PPARGC1A: variants seen among roughly 807,000 people sequenced by gnomAD.
PPARGC1A encodes the protein PPARG coactivator 1 alpha.
In PPARGC1A, 25 loss-of-function variants were observed where a neutral mutation model predicts 88.7. The observed-to-expected ratio is 0.28, with a 90% CI of 0.21 to 0.39. The LOEUF (loss-of-function observed/expected upper bound fraction) is 0.39. Ranked by LOEUF, PPARGC1A falls within the 10% of genes least tolerant of loss-of-function variation. The pLI, the probability that PPARGC1A is intolerant of heterozygous loss-of-function variation, is 1.00. For synonymous variants in PPARGC1A, 363 were observed against 355.6 expected (o/e 1.02, Z -0.24); for missense variants, 880 against 968.7 (o/e 0.91, Z 1.22).
At chr4:24,468,366 T>C in the PPARGC1A span, among the ~76,000 whole-genome samples, 1 of 152,220 alleles carries the variant, frequency 6.6e-6, no homozygotes, top group African/African-American at 2.4e-5. Context: ...ACATTTCACA[T>C]ATACACTTTA....
At chr4:24,025,944 C>G in the PPARGC1A span, among the ~76,000 whole-genome samples, 2 of 152,120 alleles carry the variant, frequency 1.3e-5, no homozygotes, top group African/African-American at 4.8e-5. Context: ...TTCTGAGAAT[C>G]TTATGAGTTA....
At chr4:23,959,972 C>T in the PPARGC1A span, among the ~76,000 whole-genome samples, 2 of 152,080 alleles carry the variant, frequency 1.3e-5, no homozygotes, top group African/African-American at 4.8e-5. Flanking sequence ...CTTGGTCAGC[C>T]TGGGCAAGTG....
chr4:24,356,384 C>T, the PPARGC1A span, among the ~76,000 whole-genome samples: 3 of 152,108 alleles, frequency 2.0e-5, no homozygotes, highest in Non-Finnish European at 4.4e-5. Flanking sequence ...AAATCAGGAC[C>T]CTAATTAACT....
the PPARGC1A span, among the ~76,000 whole-genome samples, chr4:24,424,429 C>T: frequency 1.1e-4 from 17 of 152,000 alleles, no homozygotes; most frequent in African/African-American, 2.9e-4. Flanking sequence ...GCGCCCGCCA[C>T]CATGCCCGGC....
At chr4:24,430,933 C>T in the PPARGC1A span, among the ~76,000 whole-genome samples, 4 of 152,018 alleles carry the variant, frequency 2.6e-5, 1 homozygote, top group South Asian at 8.3e-4. Context: ...GCCTGACCAA[C>T]ATGGTGAAAC....
At chr4:24,084,235 T>C in the PPARGC1A span, among the ~76,000 whole-genome samples, 4 of 152,222 alleles carry the variant, frequency 2.6e-5, no homozygotes, top group Non-Finnish European at 5.9e-5. Flanking sequence ...TGGTTAGTCC[T>C]GGCTAGACCC....
At chr4:23,885,037 C>T in intron 1 of PPARGC1A, 106 bp from the exon 2 acceptor site, 1 of 985,960 alleles carries the variant, frequency 1.0e-6, no homozygotes. Context: ...AATTCAACTA[C>T]ACTACCAAAG....
the PPARGC1A span, among the ~76,000 whole-genome samples, chr4:24,170,684 G>A: frequency 1.4e-4 from 22 of 152,204 alleles, no homozygotes; most frequent in East Asian, 1.9e-3. Context: ...CATTTGGTAC[G>A]GAACAACCAT....
chr4:24,142,869 CA>C, the PPARGC1A span, among the ~76,000 whole-genome samples: 10 of 148,150 alleles, frequency 6.7e-5, no homozygotes, highest in African/African-American at 2.5e-4. Context: ...GTAGGGAAAG[CA>C]AAAGAGATTA....
At chr4:23,858,810 G>A (rs1730673218) in intron 2 of PPARGC1A, among the ~76,000 whole-genome samples, 1 of 151,972 alleles carries the variant, frequency 6.6e-6, no homozygotes, top group South Asian at 2.1e-4. Context: ...CAGAACATTT[G>A]CCTTTTAGCC....
chr4:23,793,119 CAT>C lies in PPARGC1A; in HGVS notation c.*2701_*2702del. The C allele has an allele frequency of 6.6e-6, 1 of 152,490 alleles. No homozygotes were observed. Among genetic ancestry groups the C allele is most frequent in the Non-Finnish European group, 1.5e-5 (1 of 67,994 alleles). 9.4% of individuals were successfully genotyped at this position (152,490 alleles called of 1,614,324 possible). A position where few individuals can be genotyped will look rare whatever the true frequency, so the allele number is the denominator to read the frequency against. On this transcript the variant is annotated 3_prime_UTR_variant, in exon 13 of 13. Transcript: ENST00000264867. ...AGAGAACACATGTGGTCCTTGAACACATAATAGGATTTACTAAATCTCGATTT... is the reference window on the plus strand; with the variant it reads ...AGAGAACACATGTGGTCCTTGAACACAATAGGATTTACTAAATCTCGATTT...
At chr4:24,270,255 G>C in the PPARGC1A span, among the ~76,000 whole-genome samples, 1 of 151,650 alleles carries the variant, frequency 6.6e-6, no homozygotes, top group Non-Finnish European at 1.5e-5. Flanking sequence ...GCAGCTCTTG[G>C]GACTTCTCAG....
At chr4:24,007,444 T>C in the PPARGC1A span, among the ~76,000 whole-genome samples, 1 of 151,930 alleles carries the variant, frequency 6.6e-6, no homozygotes, top group Non-Finnish European at 1.5e-5. Flanking sequence ...ACTACAAATA[T>C]AGTAAAGGAC....
the PPARGC1A span, among the ~76,000 whole-genome samples, chr4:24,320,342 A>G: frequency 1.7e-4 from 26 of 152,364 alleles, no homozygotes; most frequent in East Asian, 4.6e-3. Context: ...TTCACAGGAA[A>G]TAAACACCAC....
At chr4:23,976,207 A>G in the PPARGC1A span, among the ~76,000 whole-genome samples, 1 of 152,216 alleles carries the variant, frequency 6.6e-6, no homozygotes, top group East Asian at 1.9e-4. Context: ...ATCATGGGAC[A>G]TTTATTTGAT....
At chr4:23,806,608 A>C (rs762251358) in intron 10 of PPARGC1A, among the ~76,000 whole-genome samples, 1 of 152,222 alleles carries the variant, frequency 6.6e-6, no homozygotes, top group Non-Finnish European at 1.5e-5. Context: ...TTCAGTTTTC[A>C]TAAAAGCTAG....
chr4:24,028,812 G>C, the PPARGC1A span, among the ~76,000 whole-genome samples: 3 of 152,154 alleles, frequency 2.0e-5, no homozygotes, highest in Non-Finnish European at 4.4e-5. Flanking sequence ...GACCAGATAA[G>C]TATGAAATTG....
chr4:24,407,428 C>A, the PPARGC1A span, among the ~76,000 whole-genome samples: 1 of 152,156 alleles, frequency 6.6e-6, no homozygotes, highest in Non-Finnish European at 1.5e-5. Context: ...ATGAATAATG[C>A]AATGAGTGGG....
the PPARGC1A span, among the ~76,000 whole-genome samples, chr4:24,143,051 G>A: frequency 6.6e-6 from 1 of 152,154 alleles, no homozygotes; most frequent in Non-Finnish European, 1.5e-5. Context: ...GACATTATCA[G>A]CATGCAGTGA....
Sources: allele counts gnomAD v4.1 joint callset (sites outside exome capture counted in the v4.1 genomes callset), GRCh38; gene constraint gnomAD v4.1.1; transcripts MANE v1.5; gene names NCBI Gene and HGNC (gene_info 2026-07-23, HGNC 2026-07-21).